The following STAG1 variants were observed in gnomAD, a reference collection of about 807,000 sequenced individuals.
STAG1 encodes the protein STAG1 cohesin complex component.
In STAG1, 26 loss-of-function variants were observed where a neutral mutation model predicts 170.9. The observed-to-expected ratio is 0.15, with a 90% confidence interval of 0.11 to 0.21. STAG1 has a LOEUF of 0.21. STAG1 is among the 10% of genes least tolerant of loss of function. STAG1 has a pLI of 1.00. For synonymous variants in STAG1, 514 were observed against 497.7 expected (o/e 1.03, Z -0.44); for missense variants, 964 against 1,509.5 (o/e 0.64, Z 5.99).
chr3:136,634,384 C>A (rs969745183), intron 1 of STAG1, among the ~76,000 whole-genome samples: 5 of 151,160 alleles, frequency 3.3e-5, no homozygotes, highest in Non-Finnish European at 7.4e-5. Flanking sequence ...AAAAAAAAAA[C>A]CAGGGCACCA....
chr3:136,699,494 G>A (rs137866831), intron 1 of STAG1, among the ~76,000 whole-genome samples: 97 of 151,726 alleles, frequency 6.4e-4, no homozygotes, highest in African/African-American at 2.2e-3. Flanking sequence ...GAGCTCAGAC[G>A]ATCCTCCCAC....
intron 22 of STAG1, among the ~76,000 whole-genome samples, chr3:136,390,868 T>C (rs2086990624): frequency 6.6e-6 from 1 of 152,214 alleles, no homozygotes; most frequent in South Asian, 2.1e-4. Context: ...AAGCAGCCTG[T>C]AGATTTTTAC....
chr3:136,743,587 T>G (rs534901785), intron 1 of STAG1, among the ~76,000 whole-genome samples: 2 of 152,058 alleles, frequency 1.3e-5, no homozygotes, highest in Non-Finnish European at 2.9e-5. Flanking sequence ...GTATAGAAAC[T>G]AAATTTGATT....
chr3:136,509,867 A>G (rs1933959577), intron 7 of STAG1, among the ~76,000 whole-genome samples: 1 of 152,248 alleles, frequency 6.6e-6, no homozygotes, highest in Non-Finnish European at 1.5e-5. Flanking sequence ...ATACCTTTGA[A>G]AACTATTGTT....
intron 1 of STAG1, among the ~76,000 whole-genome samples, chr3:136,642,264 C>CTTTTTTTT (rs10592920): frequency 1.2e-5 from 1 of 84,954 alleles, no homozygotes; most frequent in Non-Finnish European, 2.2e-5. Flanking sequence ...GACAGAATTT[C>CTTTTTTTT]TTTTTTTTTT....
At position 136,369,095 on chromosome 3, in the gene STAG1, T is replaced by C. The variant is rs765263481; in HGVS notation, c.2545+13A>G. 1.0e-5 allele frequency: 15 copies of C among 1,476,212 alleles called. No homozygotes were observed. The highest frequency in any genetic ancestry group is 1.5e-5 in the South Asian group (1 of 68,956). The allele number at this position is 1,476,212 out of a possible 1,614,324, so 91.4% of individuals were successfully genotyped here. ...AAAAAAATCAATATTGACAAGATGATAGCTACAAGTACCCATGCTCTGGTT... is the reference window on the plus strand; with the variant it reads ...AAAAAAATCAATATTGACAAGATGACAGCTACAAGTACCCATGCTCTGGTT... On this transcript the variant is annotated intron_variant, in intron 24 of 33. Coordinates refer to ENST00000383202, the MANE Select transcript of STAG1 (RefSeq NM_005862.3).
chr3:136,539,202 C>A (rs1434264725), intron 6 of STAG1, among the ~76,000 whole-genome samples: 1 of 151,890 alleles, frequency 6.6e-6, no homozygotes, highest in Non-Finnish European at 1.5e-5. Flanking sequence ...TAACTTGGGA[C>A]TGGAGATAAT....
chr3:136,367,659 T>G (rs1262748325), intron 24 of STAG1, among the ~76,000 whole-genome samples: 2 of 152,122 alleles, frequency 1.3e-5, no homozygotes, highest in Admixed American at 6.6e-5. Context: ...AAGGAAAAAG[T>G]TTTCTTTTAG....
At chr3:136,422,153 CA>C (rs11312063) in intron 19 of STAG1, among the ~76,000 whole-genome samples, 55,606 of 96,700 alleles carry the variant, frequency 0.58, 13,104 homozygotes, top group East Asian at 0.76. Flanking sequence ...GACTCTGCCT[CA>C]AAAAAAAAAA....
Position 136,521,406 on chromosome 3 carries a change from A to G in STAG1, c.483T>C (p.Asp161=). 1.2e-6 allele frequency: 2 copies of G among 1,613,574 alleles called. No homozygotes were observed. The highest frequency in any genetic ancestry group is 1.7e-6 in the Non-Finnish European group (2 of 1,179,630). ...MTEEFDEDSG[D]YPLTMPGPQW... The stretch of plus-strand genomic sequence containing the variant: ...GAGGTCCAGGCATGGTAAGAGGATA[A>G]TCACCACTGTCCTAAAAAACAGAAA... The change falls in exon 7 of 34, where the codon GAT becomes GAC. Residue 161 remains aspartate, a synonymous_variant. Coordinates refer to ENST00000383202, the MANE Select transcript of STAG1 (RefSeq NM_005862.3).
At chr3:136,665,603 C>A (rs1260209516) in intron 1 of STAG1, among the ~76,000 whole-genome samples, 1 of 151,126 alleles carries the variant, frequency 6.6e-6, no homozygotes, top group African/African-American at 2.4e-5. Flanking sequence ...CACAGTGAAA[C>A]CCCATCTCTA....
At chr3:136,410,556 CTA>C (rs1487739327) in intron 21 of STAG1, among the ~76,000 whole-genome samples, 1 of 152,134 alleles carries the variant, frequency 6.6e-6, no homozygotes, top group Non-Finnish European at 1.5e-5. Flanking sequence ...TGCGCCACTG[CTA>C]TGTGACCTAA....
chr3:136,343,567 T>C (rs181923418), intron 30 of STAG1, among the ~76,000 whole-genome samples: 35 of 152,326 alleles, frequency 2.3e-4, no homozygotes, highest in Non-Finnish European at 4.6e-4. Context: ...GAAACAGACC[T>C]GCCCAATGAA....
intron 21 of STAG1, among the ~76,000 whole-genome samples, chr3:136,413,213 A>G (rs894107697): frequency 1.3e-5 from 2 of 148,174 alleles, no homozygotes; most frequent in African/African-American, 4.9e-5. Flanking sequence ...CACACATTAT[A>G]TATTATATAT....
At chr3:136,494,156 T>C (rs1413240449) in intron 9 of STAG1, among the ~76,000 whole-genome samples, 3 of 151,774 alleles carry the variant, frequency 2.0e-5, no homozygotes, top group Admixed American at 6.6e-5. Flanking sequence ...CCTGCAGTCC[T>C]AGCTACTTGG....
intron 6 of STAG1, among the ~76,000 whole-genome samples, chr3:136,540,366 T>C (rs1233815063): frequency 6.6e-6 from 1 of 152,136 alleles, no homozygotes; most frequent in Non-Finnish European, 1.5e-5. Context: ...AAGTCTTCTT[T>C]GATGAAGCTG....
chr3:136,372,816 T>G (rs182818929), intron 23 of STAG1, among the ~76,000 whole-genome samples: 2,461 of 152,302 alleles, frequency 0.016, 20 homozygotes, highest in Middle Eastern at 0.044. Context: ...TCTCTTTTTT[T>G]GTTGTGTCTC....
At chr3:136,633,530 T>C (rs547214204) in intron 1 of STAG1, among the ~76,000 whole-genome samples, 1 of 151,768 alleles carries the variant, frequency 6.6e-6, no homozygotes, top group Non-Finnish European at 1.5e-5. Flanking sequence ...TGAAACCCCA[T>C]CTCCACTAAA....
Position 136,497,665 on chromosome 3 carries a change from CCT to C in STAG1, c.902+2556_902+2557del, listed in dbSNP as rs563974869. Among the ~76,000 whole-genome samples, 503 of 150,716 alleles carry C rather than the reference CCT, an allele frequency of 3.3e-3. 3 individuals are homozygous for C. The highest frequency in any genetic ancestry group is 0.01 in the African/African-American group (419 of 41,078). Reference sequence around the variant, plus strand: ...ACCACCCTGGCTAACACGGTGAAACCCTGTCTCTAGTTAAAAAAAAAATAAAA... The same window carrying C: ...ACCACCCTGGCTAACACGGTGAAACCGTCTCTAGTTAAAAAAAAAATAAAA... On this transcript the variant is annotated intron_variant, in intron 9 of 33. Transcript: ENST00000383202.
Sources: gnomAD v4.1 joint callset for allele counts (sites outside exome capture counted in the v4.1 genomes callset) on GRCh38, gnomAD v4.1.1 for gene constraint, MANE v1.5 for transcripts, NCBI Gene and HGNC (gene_info 2026-07-23, HGNC 2026-07-21) for gene names.